CROCC2: variants seen among roughly 807,000 people sequenced by gnomAD.
CROCC2 encodes the protein ciliary rootlet coiled-coil, rootletin family member 2.
In CROCC2, 163 loss-of-function variants were observed where a neutral mutation model predicts 177.6. That is an observed-to-expected ratio of 0.92 (90% CI 0.81 to 1.05). The LOEUF (loss-of-function observed/expected upper bound fraction) is 1.05. Among genes scored for constraint, CROCC2 ranks in the 50% least tolerant of loss-of-function variants. The pLI, the probability that CROCC2 is intolerant of heterozygous loss-of-function variation, is 0.00. For synonymous variants in CROCC2, 904 were observed against 787.3 expected, an observed-to-expected ratio of 1.15 and a Z score of -2.48; for missense variants, 1,929 against 1,797.8, an observed-to-expected ratio of 1.07 and a Z score of -1.32.
At position 240,989,253 on chromosome 2, in the gene CROCC2, G is replaced by A. The variant is rs531035331; in HGVS notation, c.4683+383G>A. ...GAGGCCTAGGGGCCTGACACCCACA[G>A]AAGGGGCCTCAGAGGCTTCATTCAT... is the stretch of plus-strand genomic sequence containing the variant. On this transcript the variant is annotated intron_variant, in intron 29 of 31. Transcript: ENST00000690015. Among the ~76,000 whole-genome samples the A allele has an allele frequency of 3.3e-5, 5 of 152,290 alleles. No homozygotes were observed. In the South Asian group the frequency reaches 1.0e-3, roughly 32 times the overall value.
chr2:240,934,142 C>A (rs2059452013), intron 11 of CROCC2, among the ~76,000 whole-genome samples, 189 bp from the exon 12 acceptor site: 1 of 150,698 alleles, frequency 6.6e-6, no homozygotes, highest in African/African-American at 2.4e-5. Flanking sequence ...GGCACTTGTG[C>A]CTCCCCTGCC....
Position 240,965,445 on chromosome 2 carries a change from G to A in CROCC2, c.3530G>A (p.Cys1177Tyr), listed in dbSNP as rs2059674770. 6.5e-7 allele frequency: 1 copy of A among 1,549,930 alleles called. No individual in the cohort carries two copies. The highest frequency in any genetic ancestry group is 1.4e-5 in the African/African-American group (1 of 73,158). Residue 1177 changes from cysteine to tyrosine, a missense_variant, in exon 23 of 32, where the codon TGC becomes TAC. Physicochemically the swap from Cys to Tyr is radical, Grantham distance 194 (BLOSUM62 -2). Transcript: ENST00000690015. ...GAGGCCCATGAGCTGCAGGCGCAGT[G>A]CTCGCAGGAGGTGCTGGAGCTGCGG... ...SGEAHELQAQ[C>Y]SQEVLELRRQ...
intron 1 of CROCC2, among the ~76,000 whole-genome samples, chr2:240,915,119 G>A (rs1025559484): frequency 1.3e-5 from 2 of 152,200 alleles, no homozygotes; most frequent in East Asian, 1.9e-4. Flanking sequence ...AGCTGGGGTC[G>A]TGTCCCTGGC....
At chr2:240,951,466 A>G (rs1158691531) in intron 18 of CROCC2, among the ~76,000 whole-genome samples, 1 of 151,858 alleles carries the variant, frequency 6.6e-6, no homozygotes, top group Non-Finnish European at 1.5e-5. Context: ...GACCCTCCAC[A>G]CACTTGTCAT....
At chr2:240,923,506 C>A in intron 4 of CROCC2, among the ~76,000 whole-genome samples, 1 of 90,972 alleles carries the variant, frequency 1.1e-5, no homozygotes, top group Non-Finnish European at 2.2e-5. Flanking sequence ...ACTAACCCAG[C>A]CCCCAACACT....
rs115607628 is a variant in CROCC2, at chr2:240,925,731, G to A, written c.496G>A (p.Gly166Ser). 7.5e-3 allele frequency: 5,377 copies of A among 715,824 alleles called. 166 individuals are homozygous for A. In the African/African-American group the frequency reaches 0.076, roughly 10 times the overall value. 44.3% of individuals were successfully genotyped at this position (715,824 alleles called of 1,614,324 possible). Reference sequence around the variant, plus strand: ...TGTGGGTTCTCTGTCCAGGAGCACCGGCCTCTGTCAGGTGAACGCGCTCCT... The same window carrying A: ...TGTGGGTTCTCTGTCCAGGAGCACCAGCCTCTGTCAGGTGAACGCGCTCCT... Reference protein sequence around the residue: ...RLEAAEERSTGLCQVNALLRE... With the variant: ...RLEAAEERSTSLCQVNALLRE... Residue 166 changes from glycine (G) to serine (S), a missense_variant, in exon 5 of 32, where the codon GGC becomes AGC. Coordinates refer to ENST00000690015, the MANE Select transcript of CROCC2 (RefSeq NM_001351305.2).
At chr2:240,946,285 C>A (rs2059523990) in intron 15 of CROCC2, 32 bp downstream of exon 15, 1 of 1,496,622 alleles carries the variant, frequency 6.7e-7, no homozygotes, top group Non-Finnish European at 9.0e-7. Context: ...AGGGCATGTC[C>A]CACGTGTCCT....
chr2:240,981,214 G>A (rs28510312), intron 27 of CROCC2, among the ~76,000 whole-genome samples: 1 of 139,482 alleles, frequency 7.2e-6, no homozygotes, highest in Non-Finnish European at 1.6e-5. Context: ...AGCCTCAGGA[G>A]CCCAGGCTCA....
chr2:240,914,169 G>T (rs936238558), intron 1 of CROCC2, among the ~76,000 whole-genome samples: 1 of 152,206 alleles, frequency 6.6e-6, no homozygotes, highest in Non-Finnish European at 1.5e-5. Flanking sequence ...TCCAGACACC[G>T]CCGCTGGGAA....
intron 3 of CROCC2, among the ~76,000 whole-genome samples, chr2:240,921,790 C>T (rs946860422): frequency 1.3e-5 from 2 of 152,244 alleles, no homozygotes; most frequent in African/African-American, 4.8e-5. Context: ...TGAGGAGGGG[C>T]CCCTTGGCTC....
chr2:240,983,644 G>T (rs1185716925), intron 28 of CROCC2: 3 of 1,277,704 alleles, frequency 2.3e-6, no homozygotes, highest in Admixed American at 4.6e-5. Context: ...CAGGGGCGCG[G>T]CTGGGAGAGG....
Position 240,972,529 on chromosome 2 carries a change from C to T in CROCC2, c.4401+4267C>T, listed in dbSNP as rs762489769. Reference sequence around the variant, plus strand: ...CACCCCTGCAGCTCCCTCCAGCCCTCGCCCTTCTGAGTCAGGGTATGGGGA... The same window carrying T: ...CACCCCTGCAGCTCCCTCCAGCCCTTGCCCTTCTGAGTCAGGGTATGGGGA... On this transcript the variant is annotated intron_variant, in intron 27 of 31. Transcript: ENST00000690015. The surrounding 1 kb of genome is among the most constrained non-coding windows in gnomAD (Gnocchi z 7.1). Among the ~76,000 whole-genome samples, 7 of 152,104 alleles carry T rather than the reference C, an allele frequency of 4.6e-5. No homozygotes were observed. Among genetic ancestry groups the T allele is most frequent in the East Asian group, 1.9e-4 (1 of 5,158 alleles).
At chr2:240,988,420 G>A (rs3922987) in intron 28 of CROCC2, among the ~76,000 whole-genome samples, 20,344 of 152,174 alleles carry the variant, frequency 0.13, 1,707 homozygotes, top group African/African-American at 0.23. Context: ...AGGGGTTTGC[G>A]GGGTAGCTCC....
chr2:240,929,671 C>T, intron 5 of CROCC2: 1 of 456,094 alleles, frequency 2.2e-6, no homozygotes, highest in Non-Finnish European at 4.4e-6. Context: ...AGACCAACAC[C>T]TGGACATCTT....
At chr2:240,962,926 G>A (rs1315577693) in intron 20 of CROCC2, among the ~76,000 whole-genome samples, 1 of 152,234 alleles carries the variant, frequency 6.6e-6, no homozygotes, top group African/African-American at 2.4e-5. Flanking sequence ...GGTGTCCGGA[G>A]CGGGAAACCA....
intron 18 of CROCC2, among the ~76,000 whole-genome samples, chr2:240,954,064 G>A (rs1053142323): frequency 2.0e-5 from 3 of 152,164 alleles, no homozygotes; most frequent in Non-Finnish European, 2.9e-5. Context: ...CAGCCAACCG[G>A]CCTCCAGCCG....
intron 19 of CROCC2, chr2:240,957,843 C>T (rs1198604040): frequency 5.3e-6 from 2 of 380,222 alleles, no homozygotes; most frequent in African/African-American, 2.2e-5. Context: ...GGGCCTGTGA[C>T]CATGCCCCTC....
intron 28 of CROCC2, among the ~76,000 whole-genome samples, chr2:240,986,447 C>T (rs1474733811): frequency 1.3e-5 from 2 of 152,132 alleles, no homozygotes; most frequent in South Asian, 2.1e-4. Flanking sequence ...TCAGAGTGGC[C>T]GCCAAGATCA....
chr2:240,913,431 ATTTTGCCATT>A (rs907141401), intron 1 of CROCC2, among the ~76,000 whole-genome samples: 6 of 152,148 alleles, frequency 3.9e-5, no homozygotes, highest in Admixed American at 6.5e-5. Flanking sequence ...GTTCTGAGTC[ATTTTGCCATT>A]GGTGATTCGG....
Sources: allele counts gnomAD v4.1 joint callset (sites outside exome capture counted in the v4.1 genomes callset), GRCh38; gene constraint gnomAD v4.1.1; non-coding constraint Gnocchi (gnomAD v3.1); transcripts MANE v1.5; gene names NCBI Gene and HGNC (gene_info 2026-07-23, HGNC 2026-07-21).